SAMD3: variants seen among roughly 807,000 people sequenced by gnomAD.
The protein encoded by SAMD3 is sterile alpha motif domain containing 3, also known as sterile alpha motif domain-containing protein 3.
SAMD3 carries 63 observed loss-of-function variants against 58.5 expected under a neutral mutation model. The ratio of observed to expected loss-of-function variants is 1.08; its 90% CI spans 0.88 to 1.33. The LOEUF is 1.33. Among genes scored for constraint, SAMD3 ranks in the 40% most tolerant of loss-of-function variants. The probability of loss-of-function intolerance (pLI) is 0.00; values close to 1 mark genes in which losing one functional copy is unlikely to be tolerated. For synonymous variants in SAMD3, 220 were observed against 210.3 expected (o/e 1.05, Z -0.40); for missense variants, 604 against 608.4 (o/e 0.99, Z 0.08).
At chr6:130,164,114 A>T (rs1217404453) in intron 8 of SAMD3, among the ~76,000 whole-genome samples, 1 of 151,638 alleles carries the variant, frequency 6.6e-6, no homozygotes, top group East Asian at 1.9e-4. Flanking sequence ...GCACAAGTTA[A>T]CCTCTCTAAA....
At chr6:130,238,832 C>T (rs1049899751) in intron 2 of SAMD3, among the ~76,000 whole-genome samples, 7 of 152,166 alleles carry the variant, frequency 4.6e-5, no homozygotes, top group African/African-American at 1.7e-4. Flanking sequence ...AATCTCAGCT[C>T]ACTGCAACCT....
chr6:130,269,272 T>C (rs1243568714), intron 2 of SAMD3, among the ~76,000 whole-genome samples: 1 of 152,190 alleles, frequency 6.6e-6, no homozygotes, highest in Non-Finnish European at 1.5e-5. Flanking sequence ...GGTATATTCA[T>C]GGGCATATTT....
chr6:130,261,323 G>A (rs56200261), intron 2 of SAMD3, among the ~76,000 whole-genome samples: 15,645 of 70,438 alleles, frequency 0.22, 2,457 homozygotes, highest in African/African-American at 0.45. Flanking sequence ...TGCCTTTATC[G>A]GCACTTTGGT....
At chr6:130,332,351 T>G (rs566498026) in intron 1 of SAMD3, among the ~76,000 whole-genome samples, 1 of 152,268 alleles carries the variant, frequency 6.6e-6, no homozygotes, top group Non-Finnish European at 1.5e-5. Context: ...CATATTCAGA[T>G]GGAAATGTCA....
intron 5 of SAMD3, among the ~76,000 whole-genome samples, chr6:130,191,098 G>A (rs1793501174): frequency 6.6e-6 from 1 of 151,240 alleles, no homozygotes; most frequent in African/African-American, 2.4e-5. Flanking sequence ...TTTTCCAACT[G>A]TCATATGCAT....
At chr6:130,265,338 A>C (rs1213533723) in intron 2 of SAMD3, among the ~76,000 whole-genome samples, 5 of 152,194 alleles carry the variant, frequency 3.3e-5, no homozygotes, top group Non-Finnish European at 5.9e-5. Flanking sequence ...AACCCCTGCA[A>C]AGTGGCTCTG....
At chr6:130,303,469 T>A (rs140122778) in intron 2 of SAMD3, among the ~76,000 whole-genome samples, 1 of 152,320 alleles carries the variant, frequency 6.6e-6, no homozygotes, top group African/African-American at 2.4e-5. Context: ...ATATTCCTCC[T>A]CAATCTGAAC....
intron 2 of SAMD3, among the ~76,000 whole-genome samples, chr6:130,262,443 GA>G (rs532773558): frequency 8.1e-4 from 114 of 140,306 alleles, no homozygotes; most frequent in East Asian, 2.3e-3. Flanking sequence ...TATTCTGTTA[GA>G]AAAAAAAAAA....
intron 6 of SAMD3, 97 bp downstream of exon 6, chr6:130,184,341 C>A: frequency 7.9e-7 from 1 of 1,270,708 alleles, no homozygotes; most frequent in Non-Finnish European, 1.1e-6. Flanking sequence ...ACCAATATAT[C>A]ATCCACAATC....
chr6:130,180,281 T>G (rs186139292), intron 7 of SAMD3, among the ~76,000 whole-genome samples: 2 of 126,408 alleles, frequency 1.6e-5, no homozygotes, highest in African/African-American at 3.0e-5. Context: ...CCACCATACC[T>G]GGCTAATTTT....
chr6:130,241,578 C>T (rs904756994), intron 2 of SAMD3, among the ~76,000 whole-genome samples: 3 of 151,970 alleles, frequency 2.0e-5, no homozygotes, highest in Admixed American at 6.6e-5. Flanking sequence ...TTTTACTTAG[C>T]CTTTGTTTCT....
chr6:130,184,785 T>C (rs1332250550), intron 5 of SAMD3, among the ~76,000 whole-genome samples, 162 bp from the exon 6 acceptor site: 2 of 152,236 alleles, frequency 1.3e-5, no homozygotes, highest in African/African-American at 4.8e-5. Context: ...CCACAAATGT[T>C]TGAAGGCTCA....
At chr6:130,361,483 T>A (rs1777987307) in intron 1 of SAMD3, among the ~76,000 whole-genome samples, 1 of 152,222 alleles carries the variant, frequency 6.6e-6, no homozygotes, top group Non-Finnish European at 1.5e-5. Context: ...CTCAGCTGTA[T>A]GTGTGTACAG....
intron 1 of SAMD3, among the ~76,000 whole-genome samples, chr6:130,343,974 C>CAAAAA (rs1554276943): frequency 4.8e-5 from 7 of 146,800 alleles, no homozygotes; most frequent in South Asian, 2.2e-4. Flanking sequence ...TAAAAACAAA[C>CAAAAA]AAAAAAAAAA....
At chr6:130,363,279 C>G (rs2115049360) in intron 1 of SAMD3, among the ~76,000 whole-genome samples, 1 of 152,288 alleles carries the variant, frequency 6.6e-6, no homozygotes, top group African/African-American at 2.4e-5. Flanking sequence ...AATATAATCC[C>G]ACACAAATTT....
chr6:130,144,717 G>A lies in SAMD3; in HGVS notation c.1366C>T (p.Leu456Phe). The A allele has an allele frequency of 6.2e-7, 1 of 1,614,098 alleles. No individual in the cohort carries two copies. Among genetic ancestry groups the A allele is most frequent in the South Asian group, 1.1e-5 (1 of 91,074 alleles). The change falls in exon 12 of 12, where the codon CTC (leucine) becomes TTC (phenylalanine). Residue 456 changes from leucine to phenylalanine, a missense_variant. Transcript: ENST00000439090. ...EFSLYLERER[L>F]TKVDDCVTAL... ...GTAACACAGTCGTCCACCTTTGTGA[G>A]CCTCTCCCTTTCTAAATATAAAGAA...
chr6:130,296,832 C>A (rs1046005547), intron 2 of SAMD3, among the ~76,000 whole-genome samples: 20 of 152,092 alleles, frequency 1.3e-4, no homozygotes, highest in African/African-American at 4.8e-4. Flanking sequence ...AACCAAAGGT[C>A]AGTCTTTATG....
chr6:130,345,047 T>C (rs886297945), intron 1 of SAMD3, among the ~76,000 whole-genome samples: 1 of 152,146 alleles, frequency 6.6e-6, no homozygotes, highest in African/African-American at 2.4e-5. Flanking sequence ...TAAATTTCCA[T>C]CAAATTCTTC....
chr6:130,145,422 T>A lies in SAMD3; in HGVS notation c.1196A>T (p.Tyr399Phe). Residue 399 changes from tyrosine (Y) to phenylalanine (F), a missense_variant and splice_region_variant, in exon 11 of 12, where the codon TAC becomes TTC. Transcript: ENST00000439090. ...KHYTDEDMLKYMKMTATCLLL... is the reference protein window; with the variant it reads ...KHYTDEDMLKFMKMTATCLLL... ...TAAACATGTGGCTGTCATCTTCATG[T>A]CTGTCAAAGCAAATATGTTAACATG... 6.2e-7 allele frequency: 1 copy of A among 1,606,602 alleles called. No individual in the cohort carries two copies. Among genetic ancestry groups the A allele is most frequent in the Non-Finnish European group, 8.5e-7 (1 of 1,174,230 alleles).
Sources: allele counts gnomAD v4.1 joint callset (sites outside exome capture counted in the v4.1 genomes callset), GRCh38; gene constraint gnomAD v4.1.1; transcripts MANE v1.5; gene names NCBI Gene and HGNC (gene_info 2026-07-23, HGNC 2026-07-21).